The following ETV6 variants were observed in gnomAD, a reference collection of about 807,000 sequenced individuals.
ETV6 encodes ETS variant transcription factor 6, also known as transcription factor ETV6.
ETV6 carries 16 observed loss-of-function variants against 51.1 expected under a neutral mutation model. The ratio of observed to expected loss-of-function variants is 0.31; its 90% CI spans 0.21 to 0.48. The LOEUF (loss-of-function observed/expected upper bound fraction) is 0.48, where lower values mean the gene tolerates loss of function less well. ETV6 is among the 20% of genes least tolerant of loss of function. ETV6 has a pLI of 0.99. For missense variants in ETV6, 458 were observed against 594.8 expected, an observed-to-expected ratio of 0.77 and a Z score of 2.39; for synonymous variants, 240 against 224.1, an observed-to-expected ratio of 1.07 and a Z score of -0.64.
chr12:11,719,953 G>A (rs770107432), intron 1 of ETV6, among the ~76,000 whole-genome samples: 6 of 152,200 alleles, frequency 3.9e-5, no homozygotes, highest in Admixed American at 2.6e-4. Context: ...AGTCATCCGG[G>A]AAGGAAAGGC....
intron 1 of ETV6, among the ~76,000 whole-genome samples, chr12:11,734,595 A>G (rs1013550976): frequency 1.3e-5 from 2 of 151,760 alleles, no homozygotes; most frequent in Admixed American, 6.6e-5. Context: ...ATGTGGATTT[A>G]TCACAGTGCT....
At chr12:11,778,320 A>C (rs1945363156) in intron 2 of ETV6, among the ~76,000 whole-genome samples, 1 of 152,236 alleles carries the variant, frequency 6.6e-6, no homozygotes. Flanking sequence ...GTGTGCACAC[A>C]CACACACTCC....
chr12:11,750,721 T>G, intron 1 of ETV6: 1 of 405,110 alleles, frequency 2.5e-6, no homozygotes, highest in Non-Finnish European at 4.8e-6. Context: ...AACAGACTGT[T>G]TGAAATGCTC....
chr12:11,711,627 C>T (rs911820606), intron 1 of ETV6, among the ~76,000 whole-genome samples: 3 of 152,274 alleles, frequency 2.0e-5, no homozygotes, highest in Non-Finnish European at 4.4e-5. Flanking sequence ...ATCTATGCTG[C>T]GCTTCTGTTT....
At chr12:11,721,054 A>G (rs947914592) in intron 1 of ETV6, among the ~76,000 whole-genome samples, 1 of 152,226 alleles carries the variant, frequency 6.6e-6, no homozygotes, top group Non-Finnish European at 1.5e-5. Flanking sequence ...TATTATCAAA[A>G]GTCAAAAAAT....
At chr12:11,812,370 C>G (rs1477120968) in intron 2 of ETV6, among the ~76,000 whole-genome samples, 2 of 152,158 alleles carry the variant, frequency 1.3e-5, no homozygotes, top group Non-Finnish European at 2.9e-5. Context: ...CACAGGTTCC[C>G]TTGGGGAAGG....
At chr12:11,803,810 T>C (rs1945787811) in intron 2 of ETV6, among the ~76,000 whole-genome samples, 1 of 152,220 alleles carries the variant, frequency 6.6e-6, no homozygotes, top group South Asian at 2.1e-4. Context: ...TAAACACTAG[T>C]CAGCACCTTT....
intron 1 of ETV6, among the ~76,000 whole-genome samples, chr12:11,711,878 CCCCCGTGGGTGG>C (rs1865179514): frequency 6.6e-6 from 1 of 152,142 alleles, no homozygotes; most frequent in Non-Finnish European, 1.5e-5. Context: ...CCCAACCTTC[CCCCCGTGGGTGG>C]AATTGCATCA....
chr12:11,804,298 A>G (rs564546075), intron 2 of ETV6, among the ~76,000 whole-genome samples: 1 of 152,300 alleles, frequency 6.6e-6, no homozygotes, highest in South Asian at 2.1e-4. Flanking sequence ...TCAGACTGTT[A>G]CTTCCCTGTG....
At chr12:11,814,792 G>A (rs960824799) in intron 2 of ETV6, among the ~76,000 whole-genome samples, 6 of 152,200 alleles carry the variant, frequency 3.9e-5, no homozygotes, top group Non-Finnish European at 7.3e-5. Flanking sequence ...TAGGAATGCA[G>A]GGGTTAAGAC....
rs1026848819 is a variant in ETV6 at position 11,893,022 on chromosome 12, A to T, written c.*1976A>T. 9 of 232,752 alleles carry T rather than the reference A, an allele frequency of 3.9e-5. No individual in the cohort carries two copies. Among genetic ancestry groups the T allele is most frequent in the African/African-American group, 1.5e-4 (7 of 45,306 alleles). The allele number at this position is 232,752 out of a possible 1,614,324, so 14.4% of individuals were successfully genotyped here. ...CCTTCCGGGAGGTCAGGGACCTTCT[A>T]TATGAGGCGAGTGGGTCTCAGTCTG... is the stretch of plus-strand genomic sequence containing the variant. On this transcript the variant is annotated 3_prime_UTR_variant, in exon 8 of 8. Coordinates refer to ENST00000396373, the MANE Select transcript of ETV6 (RefSeq NM_001987.5).
chr12:11,859,226 C>T lies in ETV6; in HGVS notation c.463+5665C>T, dbSNP rs1260673666. ...GTGCGATCTCGGTTCACTGCAAGCTCCACCTCCTGGGTTCACTCCATTCTC... is the reference window on the plus strand; with the variant it reads ...GTGCGATCTCGGTTCACTGCAAGCTTCACCTCCTGGGTTCACTCCATTCTC... On this transcript the variant is annotated intron_variant, in intron 4 of 7. Coordinates refer to ENST00000396373, the MANE Select transcript of ETV6 (RefSeq NM_001987.5). 2.6e-4 allele frequency among the ~76,000 whole-genome samples: 35 copies of T among 136,716 alleles called. No homozygotes were observed. In the Admixed American group the frequency reaches 2.8e-3, roughly 11 times the overall value. 89.7% of individuals were successfully genotyped at this position (136,716 alleles called of 152,430 possible). A position where few individuals can be genotyped will look rare whatever the true frequency, so the allele number is the denominator to read the frequency against.
chr12:11,668,975 G>A (rs1864251290), intron 1 of ETV6, among the ~76,000 whole-genome samples: 2 of 152,158 alleles, frequency 1.3e-5, no homozygotes, highest in South Asian at 2.1e-4. Context: ...TCAGGGCCAC[G>A]TCTTCAGATC....
intron 5 of ETV6, 50 bp downstream of exon 5, chr12:11,870,019 G>T: frequency 6.5e-7 from 1 of 1,549,672 alleles, no homozygotes; most frequent in Non-Finnish European, 8.7e-7. Flanking sequence ...ACCTGACAAA[G>T]TCCCACTCTC....
At chr12:11,727,362 G>A (rs1204523107) in intron 1 of ETV6, among the ~76,000 whole-genome samples, 2 of 152,250 alleles carry the variant, frequency 1.3e-5, no homozygotes, top group Non-Finnish European at 2.9e-5. Context: ...GCGCTGTGGT[G>A]TAAAAACCAT....
chr12:11,671,609 T>G (rs1427560455), intron 1 of ETV6, among the ~76,000 whole-genome samples: 1 of 152,226 alleles, frequency 6.6e-6, no homozygotes, highest in Admixed American at 6.5e-5. Flanking sequence ...ATCTAATATG[T>G]ATCAATAAAA....
rs1946845775 is a variant in ETV6, at chr12:11,869,559, C to T, written c.599C>T (p.Pro200Leu). Reference protein sequence around the residue: ...HRPSPDPEQRPLRSPLDNMIR... With the variant: ...HRPSPDPEQRLLRSPLDNMIR... ...CCTTCTCCTGACCCCGAGCAGCGGC[C>T]CCTCCGGTCCCCCCTGGACAACATG... Residue 200 changes from proline to leucine, a missense_variant, in exon 5 of 8, where the codon CCC (proline) becomes CTC (leucine). Transcript: ENST00000396373. This position sits in a 1 kb window ranked among gnomAD's most constrained non-coding sequence, Gnocchi z 5.0. The T allele has an allele frequency of 1.2e-6, 2 of 1,614,178 alleles. No homozygotes were observed. Among genetic ancestry groups the T allele is most frequent in the Non-Finnish European group, 1.7e-6 (2 of 1,180,018 alleles).
chr12:11,889,407 A>G (rs528268599), intron 7 of ETV6, among the ~76,000 whole-genome samples: 2 of 152,364 alleles, frequency 1.3e-5, no homozygotes, highest in African/African-American at 2.4e-5. Flanking sequence ...GACTTGCCAC[A>G]AAATGAAGGT....
At chr12:11,886,688 A>T (rs1236045790) in intron 7 of ETV6, among the ~76,000 whole-genome samples, 1 of 152,216 alleles carries the variant, frequency 6.6e-6, no homozygotes, top group Admixed American at 6.5e-5. Context: ...CTCATAGATA[A>T]TGAGTTCCAA....
Sources: gnomAD v4.1 joint callset for allele counts (sites outside exome capture counted in the v4.1 genomes callset) on GRCh38, gnomAD v4.1.1 for gene constraint, Gnocchi (gnomAD v3.1) non-coding constraint, MANE v1.5 for transcripts, NCBI Gene and HGNC (gene_info 2026-07-23, HGNC 2026-07-21) for gene names.